The following GPSM1 variants were observed in gnomAD, a reference collection of about 807,000 sequenced individuals.
GPSM1 encodes the protein G protein signaling modulator 1.
A neutral mutation model predicts 70.5 loss-of-function variants in GPSM1; 48 were observed. The ratio of observed to expected loss-of-function variants is 0.68; its 90% CI spans 0.54 to 0.87. GPSM1 has a LOEUF of 0.87. Among genes scored for constraint, GPSM1 ranks in the 40% least tolerant of loss-of-function variants. The probability of loss-of-function intolerance (pLI) is 0.00; values close to 1 mark genes in which losing one functional copy is unlikely to be tolerated. For synonymous variants in GPSM1, 416 were observed against 430.1 expected, an observed-to-expected ratio of 0.97 and a Z score of 0.41; for missense variants, 981 against 972.6, an observed-to-expected ratio of 1.01 and a Z score of -0.11.
chr9:136,352,092 G>GTTGCTGTTGGTGACACCAATGCTGCGCCA (rs1554772222), intron 11 of GPSM1, among the ~76,000 whole-genome samples: 2 of 150,822 alleles, frequency 1.3e-5, no homozygotes, highest in Non-Finnish European at 3.0e-5. Flanking sequence ...ATACTGCGCC[G>GTTGCTGTTGGTGACACCAATGCTGCGCCA]TTGCTGTTGG....
At chr9:136,337,332 C>T in intron 4 of GPSM1, 109 bp from the exon 5 acceptor site, 1 of 1,474,638 alleles carries the variant, frequency 6.8e-7, no homozygotes, top group African/African-American at 1.4e-5. Context: ...ACCCTCTTTC[C>T]AGGGCATGGC....
At chr9:136,346,658 T>C (rs543757271) in intron 9 of GPSM1, among the ~76,000 whole-genome samples, 1 of 152,164 alleles carries the variant, frequency 6.6e-6, no homozygotes, top group Non-Finnish European at 1.5e-5. Context: ...CCTGTTCTCA[T>C]CCGCAGCATG....
At chr9:136,338,438 A>G (rs1475033604) in intron 6 of GPSM1, 117 bp from the exon 7 acceptor site, 3 of 939,782 alleles carry the variant, frequency 3.2e-6, no homozygotes, top group African/African-American at 3.3e-5. Flanking sequence ...GACCCCAGAG[A>G]GGCCCCAGTG....
chr9:136,353,574 C>T (rs1554772483), intron 11 of GPSM1, among the ~76,000 whole-genome samples: 1 of 152,206 alleles, frequency 6.6e-6, no homozygotes, highest in Non-Finnish European at 1.5e-5. Flanking sequence ...GTGAGGGAGG[C>T]ATCAGCCCCT....
intron 9 of GPSM1, among the ~76,000 whole-genome samples, chr9:136,345,351 G>T (rs530583221): frequency 6.6e-6 from 1 of 152,356 alleles, no homozygotes; most frequent in East Asian, 1.9e-4. Context: ...AAGCCAGTGG[G>T]CCGGGCCTGT....
chr9:136,356,924 G>C (rs932410020), intron 13 of GPSM1, among the ~76,000 whole-genome samples: 3 of 152,208 alleles, frequency 2.0e-5, no homozygotes, highest in Non-Finnish European at 4.4e-5. Context: ...ACACGGGCCA[G>C]ATAGCACCCC....
intron 1 of GPSM1, among the ~76,000 whole-genome samples, chr9:136,334,006 C>G (rs1832164502): frequency 6.8e-6 from 1 of 147,756 alleles, no homozygotes; most frequent in Non-Finnish European, 1.5e-5. Context: ...CTCAGTTGTT[C>G]TTGGTGGGAA....
chr9:136,339,812 G>A lies in GPSM1; in HGVS notation c.1080G>A (p.Gln360=), dbSNP rs977279754. ...CCAAGAAGCACCTGCAGATCTCCCA[G>A]GAGGTGAGCCAGGCCTGCCCCCAGA... is the stretch of plus-strand genomic sequence containing the variant. ...TFAKKHLQIS[Q]EIGDRHGELT... Residue 360 remains glutamine, a synonymous_variant, in exon 8 of 14, where the codon CAG becomes CAA. Transcript: ENST00000440944. The A allele has an allele frequency of 1.9e-6, 3 of 1,540,426 alleles. No homozygotes were observed. Among genetic ancestry groups the A allele is most frequent in the Non-Finnish European group, 1.8e-6 (2 of 1,138,018 alleles).
rs543992017 is a variant in GPSM1 at position 136,336,116 on chromosome 9, C to T, written c.426+15C>T. ...AGGGAGACAAGGTGGGGGCTTGGTC[C>T]GGGGCTGGGTGTCTCCCACCCCTGC... On this transcript the variant is annotated intron_variant, in intron 3 of 13. Coordinates refer to ENST00000440944, the MANE Select transcript of GPSM1 (RefSeq NM_001145638.3). 2.3e-5 allele frequency: 37 copies of T among 1,607,460 alleles called. No homozygotes were observed. The East Asian group carries it at 4.0e-4, about 17-fold the overall frequency.
In GPSM1 at chr9:136,331,940, C is replaced by T. The variant is rs934955465; in HGVS notation, c.69-2507C>T. On this transcript the variant is annotated intron_variant, in intron 1 of 13. Coordinates refer to ENST00000440944, the MANE Select transcript of GPSM1 (RefSeq NM_001145638.3). ...GGCAGGGAAGCCTAAGGCCAGCCCACCCCCCAGGACCCGTGGCCATGGTGG... is the reference window on the plus strand; with the variant it reads ...GGCAGGGAAGCCTAAGGCCAGCCCATCCCCCAGGACCCGTGGCCATGGTGG... 21 of 397,754 alleles carry T rather than the reference C, an allele frequency of 5.3e-5. 1 individual carries two copies. In the South Asian group the frequency reaches 9.0e-4, roughly 17 times the overall value. 24.6% of individuals were successfully genotyped at this position (397,754 alleles called of 1,614,324 possible). A position where few individuals can be genotyped will look rare whatever the true frequency, so the allele number is the denominator to read the frequency against.
rs1046579673 is a variant in GPSM1, at chr9:136,341,779, T to G, written c.1207+786T>G. On this transcript the variant is annotated intron_variant, in intron 9 of 13. Coordinates refer to ENST00000440944, the MANE Select transcript of GPSM1 (RefSeq NM_001145638.3). This position sits in a 1 kb window ranked among gnomAD's most constrained non-coding sequence, Gnocchi z 6.7. ...GGAACACCAGGCTTGGATGTGGTGCTGGGCTGCCGGAGTTTCTTTTTCTTA... is the reference window on the plus strand; with the variant it reads ...GGAACACCAGGCTTGGATGTGGTGCGGGGCTGCCGGAGTTTCTTTTTCTTA... 8.1e-6 allele frequency: 8 copies of G among 985,334 alleles called. No individual in the cohort carries two copies. The South Asian group carries it at 3.8e-4, about 46-fold the overall frequency. 61.0% of individuals were successfully genotyped at this position (985,334 alleles called of 1,614,324 possible).
At chr9:136,355,566 C>T (rs1166164830) in intron 11 of GPSM1, 124 bp from the exon 12 acceptor site, 4 of 818,538 alleles carry the variant, frequency 4.9e-6, no homozygotes, top group African/African-American at 1.7e-5. Context: ...CGACAGGGGG[C>T]AGGTTAGAGT....
intron 11 of GPSM1, among the ~76,000 whole-genome samples, chr9:136,351,872 G>A (rs183704141): frequency 8.5e-5 from 13 of 152,380 alleles, no homozygotes; most frequent in Non-Finnish European, 1.3e-4. Flanking sequence ...GGGTACCTCC[G>A]AGTAAGGACC....
intron 11 of GPSM1, chr9:136,353,174 G>A (rs1015717859): frequency 6.3e-5 from 59 of 931,398 alleles, no homozygotes; most frequent in Non-Finnish European, 7.4e-5. Flanking sequence ...GGGGTCCCTG[G>A]GGTCCTAACA....
At position 136,327,579 on chromosome 9, in the gene GPSM1, G is replaced by A. The variant is rs1554768007; in HGVS notation, c.-117G>A. On this transcript the variant is annotated 5_prime_UTR_variant, in exon 1 of 14. Coordinates refer to ENST00000440944, the MANE Select transcript of GPSM1 (RefSeq NM_001145638.3). ...CCCCGGGGGAGGACGGGCGAACGAG[G>A]CGCGGACGGACAGGCGGACAGCAGG... 2.5e-5 allele frequency: 5 copies of A among 203,216 alleles called. No individual in the cohort carries two copies. The highest frequency in any genetic ancestry group is 9.3e-6 in the Non-Finnish European group (1 of 107,352). The allele number at this position is 203,216 out of a possible 1,614,324, so 12.6% of individuals were successfully genotyped here. A position where few individuals can be genotyped will look rare whatever the true frequency, so the allele number is the denominator to read the frequency against.
chr9:136,346,945 C>G (rs375509813), intron 9 of GPSM1, among the ~76,000 whole-genome samples: 2 of 152,176 alleles, frequency 1.3e-5, no homozygotes, highest in South Asian at 4.1e-4. Context: ...ACGGTGGGGT[C>G]CGGGTGCACC....
intron 7 of GPSM1, 77 bp downstream of exon 7, chr9:136,338,787 TG>T: frequency 2.9e-6 from 4 of 1,401,108 alleles, no homozygotes; most frequent in Non-Finnish European, 2.9e-6. Flanking sequence ...CGAGGTGGCC[TG>T]GGTCCCATCC....
chr9:136,334,414 G>T, intron 1 of GPSM1, 33 bp from the exon 2 acceptor site: 1 of 1,569,990 alleles, frequency 6.4e-7, no homozygotes. Flanking sequence ...ACTTTGCCAG[G>T]GCTGGGCCAT....
intron 1 of GPSM1, chr9:136,332,184 C>T: frequency 1.3e-5 from 5 of 399,128 alleles, no homozygotes; most frequent in Non-Finnish European, 1.8e-5. Flanking sequence ...CGGCGGGCAG[C>T]GAGTGGGGTG....
Sources: gnomAD v4.1 joint callset for allele counts (sites outside exome capture counted in the v4.1 genomes callset) on GRCh38, gnomAD v4.1.1 for gene constraint, Gnocchi (gnomAD v3.1) non-coding constraint, MANE v1.5 for transcripts, NCBI Gene and HGNC (gene_info 2026-07-23, HGNC 2026-07-21) for gene names.